The following GPRIN1 variants were observed in gnomAD, a reference collection of about 807,000 sequenced individuals.
GPRIN1 encodes the protein G protein regulated inducer of neurite outgrowth 1.
GPRIN1 carries 4 observed loss-of-function variants against 2.8 expected under a neutral mutation model. That is an observed-to-expected ratio of 1.45 (90% CI 0.71 to 3.32). GPRIN1 has a LOEUF of 3.32. GPRIN1 is among the 30% of genes most tolerant of loss of function. GPRIN1 has a pLI of 0.01. For missense variants in GPRIN1, 1,322 were observed against 1,343.4 expected (o/e 0.98, Z 0.25); for synonymous variants, 589 against 589.9 (o/e 1.00, Z 0.02).
intron 1 of GPRIN1, among the ~76,000 whole-genome samples, chr5:176,603,673 G>C (rs1224653911): frequency 6.6e-6 from 1 of 152,144 alleles, no homozygotes; most frequent in Non-Finnish European, 1.5e-5. Flanking sequence ...TGGGACTTAT[G>C]GGGGGTGACA....
intron 1 of GPRIN1, among the ~76,000 whole-genome samples, chr5:176,603,472 C>A (rs935026131): frequency 4.6e-5 from 7 of 152,232 alleles, no homozygotes; most frequent in Admixed American, 2.0e-4. Context: ...GCCATTTACA[C>A]CTCTGGGTCC....
chr5:176,600,453 C>T (rs993059770), intron 1 of GPRIN1, among the ~76,000 whole-genome samples: 5 of 152,182 alleles, frequency 3.3e-5, no homozygotes, highest in Non-Finnish European at 7.3e-5. Flanking sequence ...TGTTCAACCC[C>T]ACCCCATGCA....
chr5:176,606,758 C>T (rs569243833), intron 1 of GPRIN1, among the ~76,000 whole-genome samples: 4 of 152,320 alleles, frequency 2.6e-5, no homozygotes, highest in Admixed American at 6.5e-5. Context: ...GAGCACAATG[C>T]CATGAAAGGC....
In GPRIN1 at chr5:176,597,422, G is replaced by GGGCGCTCGCCTCCCACGACGGCGC. The variant is rs1404005900; in HGVS notation, c.2389_2412dup (p.Ala797_Ala804dup). The GGGCGCTCGCCTCCCACGACGGCGC allele has an allele frequency of 6.2e-6, 8 of 1,296,424 alleles. No individual in the cohort carries two copies. In the African/African-American group the frequency reaches 1.2e-4, roughly 20 times the overall value. The allele number at this position is 1,296,424 out of a possible 1,614,324, so 80.3% of individuals were successfully genotyped here. On this transcript the variant is annotated inframe_insertion, in exon 2 of 2. Transcript: ENST00000303991. The surrounding 1 kb of genome is among the most constrained non-coding windows in gnomAD (Gnocchi z 6.1). ...CCCGCGTCCTCGCGCGGCGGCGGCG[G>GGGCGCTCGCCTCCCACGACGGCGC]GGCGCTCGCCTCCCACGACGGCGCC...
intron 1 of GPRIN1, among the ~76,000 whole-genome samples, chr5:176,609,056 T>C (rs1356316273): frequency 6.6e-6 from 1 of 152,146 alleles, no homozygotes; most frequent in African/African-American, 2.4e-5. Context: ...AGACCATGCA[T>C]ACATACATAC....
chr5:176,603,971 G>T (rs1759185764), intron 1 of GPRIN1, among the ~76,000 whole-genome samples: 1 of 152,296 alleles, frequency 6.6e-6, no homozygotes, highest in East Asian at 1.9e-4. Context: ...TTCTAAAGGG[G>T]CAACGGCACT....
Position 176,596,672 on chromosome 5 carries a change from C to CG in GPRIN1, c.*135dup, listed in dbSNP as rs1272632418. On this transcript the variant is annotated 3_prime_UTR_variant, in exon 2 of 2. Coordinates refer to ENST00000303991, the MANE Select transcript of GPRIN1 (RefSeq NM_052899.3). This position sits in a 1 kb window ranked among gnomAD's most constrained non-coding sequence, Gnocchi z 5.2. ...TTTGTGATGGGAGGGGCTGGAAAGA[C>CG]GGGGACGCAACAGCCCTAGAGGCTG... 1 of 655,568 alleles carries CG rather than the reference C, an allele frequency of 1.5e-6. No homozygotes were observed. The highest frequency in any genetic ancestry group is 2.1e-6 in the Non-Finnish European group (1 of 475,746). 40.6% of individuals were successfully genotyped at this position (655,568 alleles called of 1,614,324 possible). A position where few individuals can be genotyped will look rare whatever the true frequency, so the allele number is the denominator to read the frequency against.
chr5:176,599,670 T>G lies in GPRIN1; in HGVS notation c.165A>C (p.Ala55=). ...YCPSQQKASP[A]PPRHTPDQSP... is the part of the protein sequence containing the mutation. ...TTTGGTCAGGGGTGTGCCTGGGGGG[T>G]GCAGGGCTTGCCTTTTGCTGGGAGG... Residue 55 remains alanine, a synonymous_variant, in exon 2 of 2, where the codon GCA becomes GCC. Transcript: ENST00000303991. 6.4e-7 allele frequency: 1 copy of G among 1,564,998 alleles called. No individual in the cohort carries two copies. Among genetic ancestry groups the G allele is most frequent in the Non-Finnish European group, 8.7e-7 (1 of 1,154,586 alleles).
intron 1 of GPRIN1, among the ~76,000 whole-genome samples, chr5:176,608,095 T>G (rs991738204): frequency 1.6e-4 from 24 of 151,910 alleles, no homozygotes; most frequent in African/African-American, 5.8e-4. Flanking sequence ...AATCTTTAAA[T>G]TTTTGTAGAG....
Position 176,597,355 on chromosome 5 carries a change from C to T in GPRIN1, c.2480G>A (p.Ser827Asn). 7.9e-7 allele frequency: 1 copy of T among 1,259,382 alleles called. No individual in the cohort carries two copies. The highest frequency in any genetic ancestry group is 9.9e-7 in the Non-Finnish European group (1 of 1,005,176). The allele number at this position is 1,259,382 out of a possible 1,614,324, so 78.0% of individuals were successfully genotyped here. ...AGCGCCGTCCTGCGGAGACATGGGG[C>T]TCACGGCCACTGAGACGCAGGCCTG... ...GAQACVSVAVSPMSPQDGAGG... is the reference protein window; with the variant it reads ...GAQACVSVAVNPMSPQDGAGG... The change falls in exon 2 of 2, where the codon AGC (serine) becomes AAC (asparagine). Residue 827 changes from serine to asparagine, a missense_variant. Ser to Asn is a conservative substitution (Grantham distance 46). This residue lies in a region of GPRIN1 where 1,117 missense variants were observed against 1,128.6 expected (regional missense o/e 0.99). Transcript: ENST00000303991. This position sits in a 1 kb window ranked among gnomAD's most constrained non-coding sequence, Gnocchi z 6.1.
chr5:176,607,306 C>G (rs1759234740), intron 1 of GPRIN1, among the ~76,000 whole-genome samples: 1 of 152,200 alleles, frequency 6.6e-6, no homozygotes, highest in Admixed American at 6.5e-5. Flanking sequence ...GCAACTACCC[C>G]ACTAGAACCC....
rs1022612443 is a variant in GPRIN1, at chr5:176,608,345, C to T, written c.-44+1654G>A. Among the ~76,000 whole-genome samples the T allele has an allele frequency of 4.6e-5, 7 of 152,300 alleles. 1 individual carries two copies. The highest frequency in any genetic ancestry group is 8.8e-5 in the Non-Finnish European group (6 of 68,022). ...CTCCCCTCCCCCTGCATACATTCCC[C>T]CACCTGTGGGAACGCACACACCCTA... is the stretch of plus-strand genomic sequence containing the variant. On this transcript the variant is annotated intron_variant, in intron 1 of 1. Transcript: ENST00000303991.
rs769028838 is a variant in GPRIN1 at position 176,597,866 on chromosome 5, C to G, written c.1969G>C (p.Val657Leu). 1 of 1,613,502 alleles carries G rather than the reference C, an allele frequency of 6.2e-7. No individual in the cohort carries two copies. The highest frequency in any genetic ancestry group is 8.5e-7 in the Non-Finnish European group (1 of 1,179,858). The stretch of plus-strand genomic sequence containing the variant: ...TGTGGTGTCTCCTTTTTCAAACACA[C>G]AGCCCCTGCTTCCCCTGGTGCTGCA... ...GAAAPGEAGAVCLKKETPQAS... is the reference protein window; with the variant it reads ...GAAAPGEAGALCLKKETPQAS... Residue 657 changes from valine (V) to leucine (L), a missense_variant, in exon 2 of 2, where the codon GTG becomes CTG. Val to Leu is a conservative substitution (Grantham distance 32). This residue lies in a region of GPRIN1 where 1,117 missense variants were observed against 1,128.6 expected (regional missense o/e 0.99). Coordinates refer to ENST00000303991, the MANE Select transcript of GPRIN1 (RefSeq NM_052899.3). The surrounding 1 kb of genome is among the most constrained non-coding windows in gnomAD (Gnocchi z 6.1).
chr5:176,598,978 G>A lies in GPRIN1; in HGVS notation c.857C>T (p.Ser286Leu), dbSNP rs201788485. The stretch of plus-strand genomic sequence containing the variant: ...CGAGGGCCCAGGATCTCTCTTTCCC[G>A]ACAATACAAGATCTACCTTTTCTGC... Reference protein sequence around the residue: ...TSAEKVDLVLSGKRDPGPSGK... With the variant: ...TSAEKVDLVLLGKRDPGPSGK... The change falls in exon 2 of 2, where the codon TCG (serine) becomes TTG (leucine). Residue 286 changes from serine to leucine, a missense_variant. Around this residue, in one of 3 missense-constraint regions of GPRIN1, gnomAD observed 1,117 missense variants for 1,128.6 expected, o/e 0.99. Transcript: ENST00000303991. 59 of 1,614,076 alleles carry A rather than the reference G, an allele frequency of 3.7e-5. No homozygotes were observed. The highest frequency in any genetic ancestry group is 3.5e-4 in the African/African-American group (26 of 75,002).
At chr5:176,605,260 A>AT (rs1484257356) in intron 1 of GPRIN1, among the ~76,000 whole-genome samples, 2 of 151,844 alleles carry the variant, frequency 1.3e-5, no homozygotes, top group African/African-American at 4.8e-5. Context: ...TGCCCAGCTA[A>AT]TTTTTTAAAT....
In GPRIN1 at chr5:176,595,995, T is replaced by G; in HGVS notation, c.*813A>C. 9.7e-6 allele frequency: 2 copies of G among 207,192 alleles called. No individual in the cohort carries two copies. The highest frequency in any genetic ancestry group is 9.5e-6 in the Non-Finnish European group (1 of 104,760). 12.8% of individuals were successfully genotyped at this position (207,192 alleles called of 1,614,324 possible). A position where few individuals can be genotyped will look rare whatever the true frequency, so the allele number is the denominator to read the frequency against. ...AATGAGCTCTCTGTCCTGTCCCCAA[T>G]ACCCAAGAACACCGGTCACCCAGGA... is the stretch of plus-strand genomic sequence containing the variant. On this transcript the variant is annotated 3_prime_UTR_variant, in exon 2 of 2. Coordinates refer to ENST00000303991, the MANE Select transcript of GPRIN1 (RefSeq NM_052899.3).
chr5:176,598,464 G>T lies in GPRIN1; in HGVS notation c.1371C>A (p.Asp457Glu). Residue 457 changes from aspartate (D) to glutamate (E), a missense_variant, in exon 2 of 2, where the codon GAC becomes GAA. Physicochemically the swap from Asp to Glu is conservative, Grantham distance 45. Transcript: ENST00000303991. ...GGTCCTCCCTTCTGGAGGACACCGG[G>T]TCCTCTTTTCCTGGGGATACAGTTC... ...KAGTVSPGKE[D>E]PVSSRREDPI... The T allele has an allele frequency of 3.7e-6, 6 of 1,614,108 alleles. No homozygotes were observed. The highest frequency in any genetic ancestry group is 5.1e-6 in the Non-Finnish European group (6 of 1,180,004).
intron 1 of GPRIN1, among the ~76,000 whole-genome samples, chr5:176,605,242 C>T (rs1173585221): frequency 6.6e-6 from 1 of 152,018 alleles, no homozygotes; most frequent in Non-Finnish European, 1.5e-5. Context: ...TACAGGCGCA[C>T]ATCACCATGC....
At position 176,597,285 on chromosome 5, in the gene GPRIN1, G is replaced by A; in HGVS notation, c.2550C>T (p.Ser850=). The change falls in exon 2 of 2, where the codon AGC becomes AGT. Residue 850 remains serine (S), a synonymous_variant. Transcript: ENST00000303991. This position sits in a 1 kb window ranked among gnomAD's most constrained non-coding sequence, Gnocchi z 6.1. ...FSFQAAPRAP[S]PPSRRDAGLQ... ...GGCCCGCATCTCGGCGCGAGGGCGG[G>A]CTGGGCGCGCGCGGCGCCGCCTGGA... 8.1e-7 allele frequency: 1 copy of A among 1,235,634 alleles called. No homozygotes were observed. The highest frequency in any genetic ancestry group is 1.0e-6 in the Non-Finnish European group (1 of 991,656). 76.5% of individuals were successfully genotyped at this position (1,235,634 alleles called of 1,614,324 possible). A position where few individuals can be genotyped will look rare whatever the true frequency, so the allele number is the denominator to read the frequency against.
Sources: gnomAD v4.1 joint callset for allele counts (sites outside exome capture counted in the v4.1 genomes callset) on GRCh38, gnomAD v4.1.1 for gene constraint, gnomAD v4.1.1 regional missense constraint, Gnocchi (gnomAD v3.1) non-coding constraint, MANE v1.5 for transcripts, NCBI Gene and HGNC (gene_info 2026-07-23, HGNC 2026-07-21) for gene names.